Variants in STK17A observed in about 807,000 individuals in gnomAD.
STK17A encodes serine/threonine-protein kinase 17A.
STK17A carries 26 observed loss-of-function variants against 43.7 expected under a neutral mutation model. The observed-to-expected ratio is 0.60, with a 90% CI of 0.44 to 0.83. The LOEUF is 0.83. Among genes scored for constraint, STK17A ranks in the 40% least tolerant of loss-of-function variants. The pLI is 0.00. For synonymous variants in STK17A, 191 were observed against 182.5 expected (o/e 1.05, Z -0.38); for missense variants, 476 against 511.6 (o/e 0.93, Z 0.67).
intron 1 of STK17A, among the ~76,000 whole-genome samples, chr7:43,587,159 T>TG (rs1336062537): frequency 1.4e-5 from 2 of 142,076 alleles, no homozygotes; most frequent in South Asian, 2.2e-4. Flanking sequence ...TTTTTGTTTT[T>TG]TTTTTTTTTT....
At chr7:43,618,045 A>G (rs750482944) in intron 3 of STK17A, among the ~76,000 whole-genome samples, 2 of 152,242 alleles carry the variant, frequency 1.3e-5, no homozygotes, top group Non-Finnish European at 2.9e-5. Flanking sequence ...GTGGAATGAG[A>G]GGACAGAAGT....
At chr7:43,608,446 A>C (rs1233627045) in intron 3 of STK17A, 46 bp downstream of exon 3, 1 of 1,569,162 alleles carries the variant, frequency 6.4e-7, no homozygotes, top group South Asian at 1.2e-5. Context: ...AATGACATTC[A>C]AGACATAAAA....
At chr7:43,587,399 A>G (rs750150095) in intron 1 of STK17A, among the ~76,000 whole-genome samples, 3 of 151,348 alleles carry the variant, frequency 2.0e-5, no homozygotes, top group Non-Finnish European at 4.4e-5. Flanking sequence ...ACCAAGCTTC[A>G]GTGTCATATA....
chr7:43,611,067 A>G (rs960704312), intron 3 of STK17A, among the ~76,000 whole-genome samples: 1 of 152,202 alleles, frequency 6.6e-6, no homozygotes, highest in African/African-American at 2.4e-5. Context: ...CAGTGAGCCG[A>G]GATTGCGCCA....
Position 43,594,887 on chromosome 7 carries a change from A to G in STK17A, c.207-1014A>G, listed in dbSNP as rs146739377. On this transcript the variant is annotated intron_variant, in intron 1 of 6. Transcript: ENST00000319357. ...AGACCCAGTCTCTTAAAAAAAAAAA[A>G]AAAGAAAGAAAGAAAAGAAAAGAAA... Among the ~76,000 whole-genome samples the G allele has an allele frequency of 9.7e-3, 1,455 of 150,002 alleles. 19 individuals are homozygous for G. Among genetic ancestry groups the G allele is most frequent in the Non-Finnish European group, 0.014 (911 of 67,088 alleles).
chr7:43,623,449 T>G, intron 4 of STK17A, 123 bp from the exon 5 acceptor site: 1 of 753,666 alleles, frequency 1.3e-6, no homozygotes, highest in Non-Finnish European at 2.2e-6. Context: ...ATGGTAACCT[T>G]TCATTTTAGC....
intron 1 of STK17A, among the ~76,000 whole-genome samples, chr7:43,584,711 A>T (rs2082426889): frequency 6.6e-6 from 1 of 152,184 alleles, no homozygotes; most frequent in African/African-American, 2.4e-5. Context: ...CTACCTTAAC[A>T]AAGTCTTACT....
chr7:43,604,663 A>G (rs2082576783), intron 2 of STK17A, among the ~76,000 whole-genome samples: 2 of 151,836 alleles, frequency 1.3e-5, no homozygotes, highest in Non-Finnish European at 1.5e-5. Flanking sequence ...CCTTGGTTTT[A>G]TTTGTATTTA....
intron 3 of STK17A, among the ~76,000 whole-genome samples, chr7:43,618,423 T>C (rs2083546467): frequency 6.6e-6 from 1 of 152,148 alleles, no homozygotes; most frequent in African/African-American, 2.4e-5. Flanking sequence ...ACAGACTGTT[T>C]GATTTGGAGC....
chr7:43,586,371 G>GTGA (rs2082439220), intron 1 of STK17A, among the ~76,000 whole-genome samples: 1 of 151,580 alleles, frequency 6.6e-6, no homozygotes, highest in Non-Finnish European at 1.5e-5. Flanking sequence ...ATGACAGGAT[G>GTGA]TGATGTTGAT....
At chr7:43,605,243 A>G (rs1289558474) in intron 2 of STK17A, among the ~76,000 whole-genome samples, 1 of 152,180 alleles carries the variant, frequency 6.6e-6, no homozygotes, top group Non-Finnish European at 1.5e-5. Context: ...AATGACATAC[A>G]TTTGGAATGT....
At chr7:43,599,480 C>T (rs1243617603) in intron 2 of STK17A, among the ~76,000 whole-genome samples, 1 of 152,268 alleles carries the variant, frequency 6.6e-6, no homozygotes, top group South Asian at 2.1e-4. Context: ...AGCTTTTAAA[C>T]CATTAGGTAG....
intron 1 of STK17A, among the ~76,000 whole-genome samples, chr7:43,584,994 C>G (rs990367818): frequency 7.2e-5 from 11 of 152,126 alleles, no homozygotes; most frequent in African/African-American, 2.4e-4. Flanking sequence ...GTCAGGAGTT[C>G]CAGACCAGCC....
rs1462143995 is a variant in STK17A at position 43,590,721 on chromosome 7, C to T, written c.207-5180C>T. Reference sequence around the variant, plus strand: ...ACATCTTATGCCCTTTGGACCTCATCAGCCCCAAGAGAGCTGTATATAACC... The same window carrying T: ...ACATCTTATGCCCTTTGGACCTCATTAGCCCCAAGAGAGCTGTATATAACC... On this transcript the variant is annotated intron_variant, in intron 1 of 6. Coordinates refer to ENST00000319357, the MANE Select transcript of STK17A (RefSeq NM_004760.3). Among the ~76,000 whole-genome samples, 3 of 151,394 alleles carry T rather than the reference C, an allele frequency of 2.0e-5. 1 individual carries two copies. Among genetic ancestry groups the T allele is most frequent in the Non-Finnish European group, 4.4e-5 (3 of 67,618 alleles).
chr7:43,593,024 C>A (rs1392221260), intron 1 of STK17A, among the ~76,000 whole-genome samples: 1 of 152,090 alleles, frequency 6.6e-6, no homozygotes, highest in Non-Finnish European at 1.5e-5. Flanking sequence ...GTGCTCATCA[C>A]CTAAATAGCG....
intron 2 of STK17A, among the ~76,000 whole-genome samples, chr7:43,604,543 A>G (rs73104795): frequency 0.12 from 17,850 of 152,020 alleles, 1,131 homozygotes; most frequent in Admixed American, 0.19. Context: ...TCTTCCCTGC[A>G]TTATTTACGA....
At chr7:43,613,844 A>G (rs2083095062) in intron 3 of STK17A, among the ~76,000 whole-genome samples, 2 of 152,182 alleles carry the variant, frequency 1.3e-5, no homozygotes, top group African/African-American at 4.8e-5. Flanking sequence ...TCCTGTCTCA[A>G]AAACTTTTTT....
chr7:43,609,058 G>GT (rs2152973844), intron 3 of STK17A: 1 of 152,382 alleles, frequency 6.6e-6, no homozygotes, highest in Non-Finnish European at 1.5e-5. Flanking sequence ...TGAAACCAGG[G>GT]TAAGCAAAAC....
At chr7:43,588,481 C>G (rs898350351) in intron 1 of STK17A, among the ~76,000 whole-genome samples, 1 of 151,504 alleles carries the variant, frequency 6.6e-6, no homozygotes, top group Non-Finnish European at 1.5e-5. Flanking sequence ...ATTTTTACGC[C>G]TAGGGTCTTT....
Sources: allele counts gnomAD v4.1 joint callset (sites outside exome capture counted in the v4.1 genomes callset), GRCh38; gene constraint gnomAD v4.1.1; transcripts MANE v1.5; gene names NCBI Gene and HGNC (gene_info 2026-07-23, HGNC 2026-07-21).